CRYL1: variants seen among roughly 807,000 people sequenced by gnomAD.
The protein encoded by CRYL1 is lambda-crystallin homolog.
A neutral mutation model predicts 36.6 loss-of-function variants in CRYL1; 29 were observed. That is an observed-to-expected ratio of 0.79 (90% confidence interval 0.59 to 1.08). CRYL1 has a LOEUF of 1.08. Among genes scored for constraint, CRYL1 ranks in the 50% least tolerant of loss-of-function variants. CRYL1 has a pLI of 0.00. For missense variants in CRYL1, 411 were observed against 407.9 expected (o/e 1.01, Z -0.06); for synonymous variants, 152 against 151.5 (o/e 1.00, Z -0.02).
chr13:20,448,792 A>T (rs2032506336), intron 3 of CRYL1, among the ~76,000 whole-genome samples: 1 of 152,246 alleles, frequency 6.6e-6, no homozygotes, highest in Non-Finnish European at 1.5e-5. Context: ...AGCAGACCTA[A>T]TCAATCTACA....
intron 2 of CRYL1, among the ~76,000 whole-genome samples, chr13:20,510,709 C>T (rs1024082171): frequency 6.6e-6 from 1 of 151,406 alleles, no homozygotes; most frequent in Non-Finnish European, 1.5e-5. Context: ...GCCACCCAGG[C>T]TCAAGTGACT....
intron 2 of CRYL1, among the ~76,000 whole-genome samples, chr13:20,494,660 C>T (rs1369535511): frequency 6.6e-6 from 1 of 152,212 alleles, no homozygotes; most frequent in Non-Finnish European, 1.5e-5. Flanking sequence ...AACTTTTAGC[C>T]TTTTTTCCCA....
chr13:20,455,989 A>T (rs2032673922), intron 3 of CRYL1, among the ~76,000 whole-genome samples: 1 of 152,190 alleles, frequency 6.6e-6, no homozygotes, highest in Non-Finnish European at 1.5e-5. Flanking sequence ...GTCAATGGGG[A>T]AAAGATAGGG....
Position 20,404,661 on chromosome 13 carries a change from T to G in CRYL1, c.820A>C (p.Arg274=), listed in dbSNP as rs771025628. Residue 274 remains arginine (R), a synonymous_variant, in exon 7 of 8, where the codon AGG becomes CGG. Coordinates refer to ENST00000298248, the MANE Select transcript of CRYL1 (RefSeq NM_015974.3). ...QTFGPIPEFS[R]ATAEKVNQDM... is the part of the protein sequence containing the mutation. Reference sequence around the variant, plus strand: ...TGGTTAACCTTCTCAGCAGTGGCCCTGGAAAACTCTGGAATGGGTCCAAAA... The same window carrying G: ...TGGTTAACCTTCTCAGCAGTGGCCCGGGAAAACTCTGGAATGGGTCCAAAA... The G allele has an allele frequency of 1.6e-5, 26 of 1,613,332 alleles. No homozygotes were observed. Among genetic ancestry groups the G allele is most frequent in the Non-Finnish European group, 2.1e-5 (25 of 1,179,374 alleles).
intron 3 of CRYL1, among the ~76,000 whole-genome samples, chr13:20,479,478 G>A (rs967634952): frequency 1.8e-4 from 27 of 152,190 alleles, no homozygotes; most frequent in Admixed American, 9.8e-4. Context: ...ACTTACAATC[G>A]CACAGTACTG....
intron 2 of CRYL1, among the ~76,000 whole-genome samples, chr13:20,492,303 T>C (rs1169373435): frequency 2.0e-5 from 3 of 152,222 alleles, no homozygotes; most frequent in Non-Finnish European, 4.4e-5. Context: ...AATGAGTCAA[T>C]TGTATGACAT....
chr13:20,457,687 C>T (rs927876937), intron 3 of CRYL1, among the ~76,000 whole-genome samples: 3 of 152,198 alleles, frequency 2.0e-5, no homozygotes, highest in Non-Finnish European at 4.4e-5. Flanking sequence ...TAAACCTGGT[C>T]ATTCAGCTCC....
rs1366901149 is a variant in CRYL1 at position 20,481,498 on chromosome 13, C to A, written c.276+7872G>T. Reference sequence around the variant, plus strand: ...TATGCTCTGAACCCCAGCTGTGACGCTGATTTCATACGTGACTGTACGCAT... The same window carrying A: ...TATGCTCTGAACCCCAGCTGTGACGATGATTTCATACGTGACTGTACGCAT... On this transcript the variant is annotated intron_variant, in intron 3 of 7. Coordinates refer to ENST00000298248, the MANE Select transcript of CRYL1 (RefSeq NM_015974.3). This position sits in a 1 kb window ranked among gnomAD's most constrained non-coding sequence, Gnocchi z 4.1. 1.3e-5 allele frequency among the ~76,000 whole-genome samples: 2 copies of A among 152,164 alleles called. No individual in the cohort carries two copies. Among genetic ancestry groups the A allele is most frequent in the African/African-American group, 4.8e-5 (2 of 41,438 alleles).
At chr13:20,521,173 A>T (rs1024052069) in intron 1 of CRYL1, among the ~76,000 whole-genome samples, 2 of 151,936 alleles carry the variant, frequency 1.3e-5, no homozygotes, top group Non-Finnish European at 2.9e-5. Context: ...AACGAACGAA[A>T]AAAAGAAAGA....
At chr13:20,420,329 A>G (rs1277157230) in intron 5 of CRYL1, among the ~76,000 whole-genome samples, 1 of 152,152 alleles carries the variant, frequency 6.6e-6, no homozygotes, top group African/African-American at 2.4e-5. Flanking sequence ...CTGCCGGAGG[A>G]GAGGCGGGTC....
intron 3 of CRYL1, among the ~76,000 whole-genome samples, chr13:20,464,788 A>G (rs1485212187): frequency 1.3e-5 from 2 of 152,228 alleles, no homozygotes; most frequent in Non-Finnish European, 2.9e-5. Context: ...AAGTGCATTC[A>G]TCGCAGGTAG....
chr13:20,456,354 TC>T (rs2032681839), intron 3 of CRYL1, among the ~76,000 whole-genome samples: 1 of 150,946 alleles, frequency 6.6e-6, no homozygotes, highest in African/African-American at 2.4e-5. Context: ...AAGCCTGTAA[TC>T]CCAGCTACTC....
intron 5 of CRYL1, among the ~76,000 whole-genome samples, chr13:20,414,480 C>T (rs555899621): frequency 6.6e-6 from 1 of 152,270 alleles, no homozygotes; most frequent in East Asian, 1.9e-4. Flanking sequence ...TTCTAGATTT[C>T]TGCCTAGGAC....
At position 20,466,705 on chromosome 13, in the gene CRYL1, T is replaced by TGTGTGTGTGTGTGA. The variant is rs71866943; in HGVS notation, c.276+22664_276+22665insTCACACACACACAC. Among the ~76,000 whole-genome samples, 516 of 151,400 alleles carry TGTGTGTGTGTGTGA rather than the reference T, an allele frequency of 3.4e-3. 3 individuals carry two copies. Among genetic ancestry groups the TGTGTGTGTGTGTGA allele is most frequent in the Middle Eastern group, 0.014 (4 of 294 alleles). On this transcript the variant is annotated intron_variant, in intron 3 of 7. Transcript: ENST00000298248. ...CTCTGTGTGTGTGTGTGTGTGTGTG[T>TGTGTGTGTGTGTGA]GTGTGTAGTTGAAGTTGCACCTGCT...
At chr13:20,482,588 A>G (rs1416575927) in intron 3 of CRYL1, among the ~76,000 whole-genome samples, 1 of 152,240 alleles carries the variant, frequency 6.6e-6, no homozygotes, top group Non-Finnish European at 1.5e-5. Flanking sequence ...GAGTATTAGG[A>G]AACGTCCTGA....
chr13:20,414,090 AC>A (rs2031593582), intron 5 of CRYL1, among the ~76,000 whole-genome samples: 1 of 152,070 alleles, frequency 6.6e-6, no homozygotes, highest in Non-Finnish European at 1.5e-5. Context: ...CACGAGAATC[AC>A]TTGAACCCAG....
At chr13:20,407,827 G>A (rs2031416072) in intron 6 of CRYL1, among the ~76,000 whole-genome samples, 1 of 152,244 alleles carries the variant, frequency 6.6e-6, no homozygotes, top group Non-Finnish European at 1.5e-5. Flanking sequence ...GCCTTGGGCT[G>A]TGGGCCTCTG....
At chr13:20,456,572 G>A (rs1406662506) in intron 3 of CRYL1, among the ~76,000 whole-genome samples, 1 of 150,092 alleles carries the variant, frequency 6.7e-6, no homozygotes, top group Non-Finnish European at 1.5e-5. Context: ...GCTATGATCT[G>A]TACTCAGGCC....
At chr13:20,412,202 G>A (rs979592211) in intron 6 of CRYL1, among the ~76,000 whole-genome samples, 2 of 151,766 alleles carry the variant, frequency 1.3e-5, no homozygotes, top group African/African-American at 2.4e-5. Flanking sequence ...GCCATGTACT[G>A]AGCCCAAACC....
Sources: allele counts gnomAD v4.1 joint callset (sites outside exome capture counted in the v4.1 genomes callset), GRCh38; gene constraint gnomAD v4.1.1; non-coding constraint Gnocchi (gnomAD v3.1); transcripts MANE v1.5; gene names NCBI Gene and HGNC (gene_info 2026-07-23, HGNC 2026-07-21).